Variants in PPM1L observed in about 807,000 individuals in gnomAD.
The protein encoded by PPM1L is protein phosphatase 1L.
Under a neutral mutation model 31.4 loss-of-function variants are expected in PPM1L, and 13 were observed. The observed-to-expected ratio is 0.41, with a 90% CI of 0.27 to 0.66. The LOEUF is 0.66. PPM1L is among the 30% of genes least tolerant of loss of function. The pLI is 0.29. For synonymous variants in PPM1L, 184 were observed against 175.4 expected (o/e 1.05, Z -0.39); for missense variants, 326 against 453.7 (o/e 0.72, Z 2.56).
intron 1 of PPM1L, among the ~76,000 whole-genome samples, chr3:160,917,500 C>T (rs1420719077): frequency 6.6e-6 from 1 of 152,072 alleles, no homozygotes; most frequent in Non-Finnish European, 1.5e-5. Context: ...GATATTATAT[C>T]TCATATCTCA....
At chr3:160,759,457 A>G (rs932745385) in intron 1 of PPM1L, among the ~76,000 whole-genome samples, 35 of 151,980 alleles carry the variant, frequency 2.3e-4, no homozygotes, top group Non-Finnish European at 4.4e-5. Context: ...TGATAGCTGG[A>G]GAAGTTGTGA....
intron 1 of PPM1L, among the ~76,000 whole-genome samples, chr3:160,925,589 A>G (rs1470621256): frequency 6.6e-6 from 1 of 152,190 alleles, no homozygotes; most frequent in Non-Finnish European, 1.5e-5. Context: ...GAAGTAGAAG[A>G]CCAACTCTTA....
At chr3:160,780,914 G>A (rs1299586975) in intron 1 of PPM1L, among the ~76,000 whole-genome samples, 1 of 152,112 alleles carries the variant, frequency 6.6e-6, no homozygotes, top group Non-Finnish European at 1.5e-5. Context: ...TTAGTATAGT[G>A]CCTGGCATTG....
chr3:160,836,287 A>C (rs1262985323), intron 1 of PPM1L, among the ~76,000 whole-genome samples: 1 of 151,746 alleles, frequency 6.6e-6, no homozygotes, highest in East Asian at 1.9e-4. Context: ...GCTGCTCTTG[A>C]ATTTATTACT....
intron 1 of PPM1L, among the ~76,000 whole-genome samples, chr3:160,834,314 T>C (rs550407095): frequency 1.3e-5 from 2 of 152,206 alleles, no homozygotes; most frequent in East Asian, 3.9e-4. Context: ...TGAGCCACCG[T>C]GCCCGGCCTT....
rs145898233 is a variant in PPM1L at position 161,071,885 on chromosome 3, T to C, written c.*2728T>C. 0.021 allele frequency: 3,161 copies of C among 152,184 alleles called. 69 individuals carry two copies. The highest frequency in any genetic ancestry group is 0.039 in the South Asian group (188 of 4,828). The allele number at this position is 152,184 out of a possible 1,614,324, so 9.4% of individuals were successfully genotyped here. ...CATGTGAAGCTTCCCTAAGCAGCAC[T>C]GCCAAAGCTTTGGAATTGTCACCCA... is the stretch of plus-strand genomic sequence containing the variant. On this transcript the variant is annotated 3_prime_UTR_variant, in exon 4 of 4. Transcript: ENST00000498165.
chr3:161,023,214 CT>C, intron 2 of PPM1L, among the ~76,000 whole-genome samples: 1 of 147,910 alleles, frequency 6.8e-6, no homozygotes, highest in South Asian at 2.2e-4. Flanking sequence ...GTGTGGATTT[CT>C]TAGAGTTTAT....
At chr3:160,969,162 C>A (rs1476549125) in intron 2 of PPM1L, among the ~76,000 whole-genome samples, 1 of 152,310 alleles carries the variant, frequency 6.6e-6, no homozygotes. Flanking sequence ...ATTAATTTCT[C>A]AGCTTTTGCT....
At chr3:160,886,007 T>C (rs1712904395) in intron 1 of PPM1L, among the ~76,000 whole-genome samples, 1 of 152,178 alleles carries the variant, frequency 6.6e-6, no homozygotes, top group Non-Finnish European at 1.5e-5. Flanking sequence ...CACACTTTGC[T>C]TTTCCCCTGC....
chr3:161,054,178 C>G (rs142564167), intron 2 of PPM1L, among the ~76,000 whole-genome samples: 3 of 152,196 alleles, frequency 2.0e-5, no homozygotes, highest in African/African-American at 7.2e-5. Context: ...AGATGGTTTG[C>G]TATCCTAGTA....
chr3:160,903,692 C>T (rs59252183), intron 1 of PPM1L, among the ~76,000 whole-genome samples: 11,358 of 151,766 alleles, frequency 0.075, 531 homozygotes, highest in African/African-American at 0.12. Flanking sequence ...CTACCACATA[C>T]CAGGCACTGT....
At chr3:160,786,127 TTCTCTC>T (rs147384969) in intron 1 of PPM1L, among the ~76,000 whole-genome samples, 3,323 of 103,770 alleles carry the variant, frequency 0.032, 95 homozygotes, top group Non-Finnish European at 0.042. Flanking sequence ...AATCTCATTT[TTCTCTC>T]TCTCTCTCTC....
chr3:160,918,578 A>T (rs1248428991), intron 1 of PPM1L, among the ~76,000 whole-genome samples: 3 of 152,240 alleles, frequency 2.0e-5, no homozygotes, highest in African/African-American at 7.2e-5. Context: ...CATAATAAAG[A>T]AGTTATGGAT....
Position 161,068,799 on chromosome 3 carries a change from C to G in PPM1L, c.737-12C>G. The G allele has an allele frequency of 6.3e-7, 1 of 1,597,124 alleles. No individual in the cohort carries two copies. On this transcript the variant is annotated splice_polypyrimidine_tract_variant and intron_variant, in intron 3 of 3. Transcript: ENST00000498165. ...AGCTGGTCAAACTAATGGGCTCATC[C>G]TGTCTTTCTAGGTGGTTTCATCAGT... is the stretch of plus-strand genomic sequence containing the variant.
intron 2 of PPM1L, among the ~76,000 whole-genome samples, chr3:161,010,720 C>T (rs1397265910): frequency 6.6e-6 from 1 of 152,194 alleles, no homozygotes; most frequent in African/African-American, 2.4e-5. Context: ...GCCTTTCTAA[C>T]TGGTGTGAGA....
chr3:160,901,858 T>C (rs1428109758), intron 1 of PPM1L, among the ~76,000 whole-genome samples: 2 of 152,206 alleles, frequency 1.3e-5, no homozygotes, highest in East Asian at 3.8e-4. Flanking sequence ...GAAAATCTCT[T>C]CTGTGCTAGT....
intron 1 of PPM1L, among the ~76,000 whole-genome samples, chr3:160,895,454 G>A (rs920611720): frequency 1.3e-5 from 2 of 152,118 alleles, no homozygotes; most frequent in African/African-American, 4.8e-5. Flanking sequence ...CTGGCTTCAA[G>A]CAATCCTCCC....
At chr3:160,870,923 C>T (rs538321968) in intron 1 of PPM1L, among the ~76,000 whole-genome samples, 1 of 151,800 alleles carries the variant, frequency 6.6e-6, no homozygotes, top group Non-Finnish European at 1.5e-5. Flanking sequence ...ATTTTTAAAT[C>T]TTGGTAGACA....
intron 2 of PPM1L, among the ~76,000 whole-genome samples, chr3:161,013,639 T>C (rs1240501151): frequency 6.6e-6 from 1 of 152,114 alleles, no homozygotes; most frequent in Non-Finnish European, 1.5e-5. Flanking sequence ...AAGTCTCCCA[T>C]TATTATTGTG....
Sources: gnomAD v4.1 joint callset for allele counts (sites outside exome capture counted in the v4.1 genomes callset) on GRCh38, gnomAD v4.1.1 for gene constraint, MANE v1.5 for transcripts, NCBI Gene and HGNC (gene_info 2026-07-23, HGNC 2026-07-21) for gene names.